The following PEX6 variants were observed in gnomAD, a reference collection of about 807,000 sequenced individuals.
PEX6 encodes the protein peroxisomal biogenesis factor 6.
In PEX6, 55 loss-of-function variants were observed where a neutral mutation model predicts 85.6. The observed-to-expected ratio is 0.64, with a 90% CI of 0.52 to 0.80. The LOEUF is 0.80. Among genes scored for constraint, PEX6 ranks in the 30% least tolerant of loss-of-function variants. PEX6 has a pLI of 0.00. For missense variants in PEX6, 1,099 were observed against 1,260.3 expected, an observed-to-expected ratio of 0.87 and a Z score of 1.94; for synonymous variants, 519 against 549.1, an observed-to-expected ratio of 0.95 and a Z score of 0.77.
rs1770229856 is a variant in PEX6, at chr6:42,975,015, G to A, written c.906C>T (p.Ala302=). ...RIQRYLEGSI[A]PEDKGSCSLL... is the part of the protein sequence containing the mutation. ...ATGAGCAGCTTCCTTTGTCTTCAGG[G>A]GCGATGGAGCCTTCCAAGTACCTCT... is the stretch of plus-strand genomic sequence containing the variant. Residue 302 remains alanine (A), a synonymous_variant, in exon 2 of 17, where the codon GCC becomes GCT. Transcript: ENST00000304611. The A allele has an allele frequency of 6.2e-7, 1 of 1,613,182 alleles. No individual in the cohort carries two copies. Among genetic ancestry groups the A allele is most frequent in the South Asian group, 1.1e-5 (1 of 91,044 alleles).
intron 6 of PEX6, 36 bp downstream of exon 6, chr6:42,968,838 G>C: frequency 7.0e-7 from 1 of 1,419,222 alleles, no homozygotes; most frequent in Non-Finnish European, 1.0e-6. Flanking sequence ...CTGGGGAGGG[G>C]AAGTAGCTGG....
intron 3 of PEX6, among the ~76,000 whole-genome samples, chr6:42,973,084 T>A (rs540745972): frequency 6.6e-6 from 1 of 152,296 alleles, no homozygotes; most frequent in South Asian, 2.1e-4. Context: ...CGATCTGGGC[T>A]CACTGCAACC....
intron 3 of PEX6, among the ~76,000 whole-genome samples, chr6:42,973,020 T>C (rs1770121626): frequency 6.6e-6 from 1 of 152,124 alleles, no homozygotes; most frequent in Non-Finnish European, 1.5e-5. Flanking sequence ...TACCTATTTA[T>C]TTATTTTTTG....
chr6:42,972,704 A>G (rs1008081216), intron 3 of PEX6, among the ~76,000 whole-genome samples: 12 of 148,590 alleles, frequency 8.1e-5, no homozygotes, highest in African/African-American at 2.7e-4. Context: ...CGGGAGGCGG[A>G]GCTTGCAGTG....
intron 1 of PEX6, among the ~76,000 whole-genome samples, chr6:42,976,466 G>A (rs1335156323): frequency 3.3e-5 from 5 of 152,026 alleles, no homozygotes; most frequent in Admixed American, 6.6e-5. Context: ...AGGTTCAAGC[G>A]ATTCTCCTGC....
Position 42,966,052 on chromosome 6 carries a change from A to G in PEX6, c.2354T>C (p.Val785Ala), listed in dbSNP as rs777871692. 1.2e-6 allele frequency: 2 copies of G among 1,613,944 alleles called. No individual in the cohort carries two copies. Among genetic ancestry groups the G allele is most frequent in the Non-Finnish European group, 1.7e-6 (2 of 1,180,016 alleles). Residue 785 changes from valine to alanine, a missense_variant, in exon 12 of 17, where the codon GTG becomes GCG. Around this residue, in one of 3 missense-constraint regions of PEX6, gnomAD observed 514 missense variants for 627.0 expected, o/e 0.82. Coordinates refer to ENST00000304611, the MANE Select transcript of PEX6 (RefSeq NM_000287.4). ...NMYVGQSEEN[V>A]REVFARARAA... ...CCTCCCTGCTCACTCACCTTCCCGC[A>G]CATTCTCCTCACTTTGGCCCACATA... is the stretch of plus-strand genomic sequence containing the variant.
In PEX6 at chr6:42,966,267, T is replaced by A. The variant is rs768293159; in HGVS notation, c.2275A>T (p.Thr759Ser). The change falls in exon 11 of 17, where the codon ACT (threonine) becomes TCT (serine). Residue 759 changes from threonine (T) to serine (S), a missense_variant. This residue lies in a region of PEX6 where 514 missense variants were observed against 627.0 expected (regional missense o/e 0.82). Coordinates refer to ENST00000304611, the MANE Select transcript of PEX6 (RefSeq NM_000287.4). ...GKTLLAKAVA[T>S]ECSLTFLSVK... ...CTGAGGAAGGTAAGGCTGCACTCAG[T>A]GGCTACTGCCTTGGCCAGAAGGGTC... 1.9e-6 allele frequency: 3 copies of A among 1,612,244 alleles called. No individual in the cohort carries two copies.
chr6:42,966,403 C>T lies in PEX6; in HGVS notation c.2139G>A (p.Val713=), dbSNP rs1355851692. 5 of 1,614,044 alleles carry T rather than the reference C, an allele frequency of 3.1e-6. No individual in the cohort carries two copies. The highest frequency in any genetic ancestry group is 4.2e-6 in the Non-Finnish European group (5 of 1,180,036). Residue 713 remains valine, a synonymous_variant, in exon 11 of 17, where the codon GTG becomes GTA. Coordinates refer to ENST00000304611, the MANE Select transcript of PEX6 (RefSeq NM_000287.4). ...GAATGGTCTCCAGGATCTCCTTCTT[C>T]ACCTCCTGCAGCCCACCCACATCAT... ...SWHDVGGLQE[V]KKEILETIQL...
chr6:42,978,850 G>C lies in PEX6; in HGVS notation c.301C>G (p.Pro101Ala), dbSNP rs1239319000. 6.6e-7 allele frequency: 1 copy of C among 1,510,884 alleles called. No individual in the cohort carries two copies. Among genetic ancestry groups the C allele is most frequent in the Non-Finnish European group, 8.8e-7 (1 of 1,137,942 alleles). 93.6% of individuals were successfully genotyped at this position (1,510,884 alleles called of 1,614,324 possible). The change falls in exon 1 of 17, where the codon CCG becomes GCG. Residue 101 changes from proline to alanine, a missense_variant. This residue lies in a region of PEX6 where 579 missense variants were observed against 611.6 expected (regional missense o/e 0.95). Coordinates refer to ENST00000304611, the MANE Select transcript of PEX6 (RefSeq NM_000287.4). Reference sequence around the variant, plus strand: ...CCAAGCAGTGCCCAACCTAGCGCCGGGGGCCGCCGCACCGCCCGCGCCCGC... The same window carrying C: ...CCAAGCAGTGCCCAACCTAGCGCCGCGGGCCGCCGCACCGCCCGCGCCCGC... Reference protein sequence around the residue: ...WVRARAVRRPPALGWALLGTS... With the variant: ...WVRARAVRRPAALGWALLGTS...
intron 1 of PEX6, 93 bp downstream of exon 1, chr6:42,978,176 T>C (rs898455755): frequency 1.4e-6 from 2 of 1,433,494 alleles, no homozygotes; most frequent in Non-Finnish European, 2.0e-6. Flanking sequence ...CGGGATGATA[T>C]GGGGCACGAG....
In PEX6 at chr6:42,967,349, A is replaced by G; in HGVS notation, c.1884+19T>C. On this transcript the variant is annotated intron_variant, in intron 8 of 16. Coordinates refer to ENST00000304611, the MANE Select transcript of PEX6 (RefSeq NM_000287.4). ...CAGGGACCTCCTAGGGAGGGCCAGT[A>G]CTCTCCCTTGATACTCACTGCACAC... 1 of 1,605,716 alleles carries G rather than the reference A, an allele frequency of 6.2e-7. No homozygotes were observed. Among genetic ancestry groups the G allele is most frequent in the Non-Finnish European group, 8.5e-7 (1 of 1,175,194 alleles).
Position 42,966,348 on chromosome 6 carries a change from T to G in PEX6, c.2194A>C (p.Ser732Arg). 3 of 1,613,846 alleles carry G rather than the reference T, an allele frequency of 1.9e-6. No homozygotes were observed. The East Asian group carries it at 6.7e-5, about 36-fold the overall frequency. ...AGGCCTGAGCGTCTCAGGCCCAGGCTCAGTAGCTCAGGGTGCTCCAGGGGG... is the reference window on the plus strand; with the variant it reads ...AGGCCTGAGCGTCTCAGGCCCAGGCGCAGTAGCTCAGGGTGCTCCAGGGGG... ...QLPLEHPELL[S>R]LGLRRSGLLL... The change falls in exon 11 of 17, where the codon AGC (serine) becomes CGC (arginine). Residue 732 changes from serine to arginine, a missense_variant. Transcript: ENST00000304611.
rs557173360 is a variant in PEX6, at chr6:42,971,205, C to T, written c.1131-1218G>A. 1.3e-5 allele frequency among the ~76,000 whole-genome samples: 2 copies of T among 152,128 alleles called. No homozygotes were observed. The highest frequency in any genetic ancestry group is 2.9e-5 in the Non-Finnish European group (2 of 68,032). ...TAGTATTATGAAACTCTTCTAAGTA[C>T]TACAGTAAACCTGGAACATCAGGAA... On this transcript the variant is annotated intron_variant, in intron 3 of 16. Transcript: ENST00000304611. This position sits in a 1 kb window ranked among gnomAD's most constrained non-coding sequence, Gnocchi z 4.4.
rs929223495 is a variant in PEX6 at position 42,978,509 on chromosome 6, G to A, written c.642C>T (p.Gly214=). Residue 214 remains glycine (G), a synonymous_variant, in exon 1 of 17, where the codon GGC becomes GGT. Transcript: ENST00000304611. Reference sequence around the variant, plus strand: ...CCCATTCGCCCTGGAAGAGGCCAAGGCCACGGAGACAGCTCCGGCTCACCC... The same window carrying A: ...CCCATTCGCCCTGGAAGAGGCCAAGACCACGGAGACAGCTCCGGCTCACCC... ...SLGVSRSCLR[G]LGLFQGEWVW... 2 of 1,614,160 alleles carry A rather than the reference G, an allele frequency of 1.2e-6. No homozygotes were observed. The highest frequency in any genetic ancestry group is 1.7e-6 in the Non-Finnish European group (2 of 1,180,042).
Position 42,964,391 on chromosome 6 carries a change from T to G in PEX6, c.2887A>C (p.Ser963Arg), listed in dbSNP as rs747261434. ...QAAARLQPSV[S>R]EQELLRYKRI... ...TTGTACCGGAGCAGCTCCTGCTCAC[T>G]GACTGAGGGTTGCAGCCGGGCGGCA... is the stretch of plus-strand genomic sequence containing the variant. Residue 963 changes from serine to arginine, a missense_variant, in exon 17 of 17, where the codon AGT becomes CGT. Ser to Arg is a moderately radical substitution (Grantham distance 110). This residue lies in a region of PEX6 where 514 missense variants were observed against 627.0 expected (regional missense o/e 0.82). Transcript: ENST00000304611. The surrounding 1 kb of genome is among the most constrained non-coding windows in gnomAD (Gnocchi z 4.6). The G allele has an allele frequency of 1.9e-6, 3 of 1,613,858 alleles. No homozygotes were observed. The South Asian group carries it at 3.3e-5, about 18-fold the overall frequency.
intron 5 of PEX6, 51 bp from the exon 6 acceptor site, chr6:42,969,036 A>G (rs2114246238): frequency 8.3e-7 from 1 of 1,212,044 alleles, no homozygotes; most frequent in Middle Eastern, 1.9e-4. Context: ...CAAACATTAG[A>G]GTCCCCAGTA....
intron 7 of PEX6, among the ~76,000 whole-genome samples, chr6:42,967,845 A>G (rs1769897486): frequency 6.6e-6 from 1 of 151,788 alleles, no homozygotes; most frequent in East Asian, 1.9e-4. Flanking sequence ...GGCTGTCTAG[A>G]GGGCAGCCAA....
In PEX6 at chr6:42,969,680, C is replaced by T. The variant is rs377691263; in HGVS notation, c.1355G>A (p.Arg452His). The change falls in exon 5 of 17, where the codon CGC (arginine) becomes CAC (histidine). Residue 452 changes from arginine to histidine, a missense_variant. Physicochemically the swap from Arg to His is conservative, Grantham distance 29 (BLOSUM62 0). Coordinates refer to ENST00000304611, the MANE Select transcript of PEX6 (RefSeq NM_000287.4). ...TGACCTCACTCACCCTGGCTGGAGG[C>T]GAGGCTTCAGGACAGCACAGAGTTC... is the stretch of plus-strand genomic sequence containing the variant. ...VSELCAVLKP[R>H]LQPGGALLTG... 6 of 1,612,672 alleles carry T rather than the reference C, an allele frequency of 3.7e-6. No homozygotes were observed. Among genetic ancestry groups the T allele is most frequent in the South Asian group, 3.3e-5 (3 of 91,004 alleles).
At chr6:42,967,882 C>T (rs1479641365) in intron 7 of PEX6, among the ~76,000 whole-genome samples, 1 of 151,606 alleles carries the variant, frequency 6.6e-6, no homozygotes, top group East Asian at 1.9e-4. Context: ...TGAGAAGCCA[C>T]TGAGGGGTGA....
Sources: gnomAD v4.1 joint callset for allele counts (sites outside exome capture counted in the v4.1 genomes callset) on GRCh38, gnomAD v4.1.1 for gene constraint, gnomAD v4.1.1 regional missense constraint, Gnocchi (gnomAD v3.1) non-coding constraint, MANE v1.5 for transcripts, NCBI Gene and HGNC (gene_info 2026-07-23, HGNC 2026-07-21) for gene names.